The following CSAD variants were observed in gnomAD, a reference collection of about 807,000 sequenced individuals.
CSAD encodes the protein P-selectin cytoplasmic tail-associated protein.
CSAD carries 47 observed loss-of-function variants against 61.5 expected under a neutral mutation model. That is an observed-to-expected ratio of 0.76 (90% CI 0.60 to 0.97). The LOEUF is 0.97. Among genes scored for constraint, CSAD ranks in the 50% least tolerant of loss-of-function variants. The probability of loss-of-function intolerance (pLI) is 0.00; values close to 1 mark genes in which losing one functional copy is unlikely to be tolerated. For missense variants in CSAD, 611 were observed against 643.6 expected (o/e 0.95, Z 0.55); for synonymous variants, 245 against 252.7 (o/e 0.97, Z 0.29).
intron 1 of CSAD, chr12:53,180,456 G>C (rs1407587973): frequency 8.4e-7 from 1 of 1,190,972 alleles, no homozygotes; most frequent in African/African-American, 1.7e-5. Context: ...GAAGGGCCGA[G>C]GGTCCTGCCC....
At chr12:53,180,120 G>A (rs904045107) in intron 1 of CSAD, 1 of 1,309,550 alleles carries the variant, frequency 7.6e-7, no homozygotes, top group Non-Finnish European at 9.7e-7. Flanking sequence ...GTGTGGCCAA[G>A]GGCTACTCAA....
chr12:53,172,662 CG>C lies in CSAD; in HGVS notation c.127-15del. The C allele has an allele frequency of 6.3e-7, 1 of 1,599,160 alleles. No homozygotes were observed. On this transcript the variant is annotated splice_polypyrimidine_tract_variant and intron_variant, in intron 4 of 16. Coordinates refer to ENST00000444623, the MANE Select transcript of CSAD (RefSeq NM_001244705.2). ...CCACTCACAGACCTAGGAAGAGAGC[CG>C]GGGATGCTGGGGGCCTGGGATGCCT...
chr12:53,176,071 C>A (rs1040002366), intron 2 of CSAD, among the ~76,000 whole-genome samples: 3 of 151,254 alleles, frequency 2.0e-5, no homozygotes, highest in African/African-American at 7.3e-5. Flanking sequence ...AAGATAAAGA[C>A]AGAAACTGAA....
chr12:53,165,340 CAAA>C (rs796689073), intron 10 of CSAD, among the ~76,000 whole-genome samples: 1 of 143,280 alleles, frequency 7.0e-6, no homozygotes, highest in African/African-American at 2.6e-5. Flanking sequence ...GACCCTCTCT[CAAA>C]AAAAAAACAA....
chr12:53,161,147 A>T lies in CSAD; in HGVS notation c.864T>A (p.His288Gln). The change falls in exon 12 of 17, where the codon CAT becomes CAA. Residue 288 changes from histidine (H) to glutamine (Q), a missense_variant. His to Gln is a conservative substitution (Grantham distance 24). Coordinates refer to ENST00000444623, the MANE Select transcript of CSAD (RefSeq NM_001244705.2). ...TGCACCTCTGGATCCCATCCAGGAG[A>T]TGCCTGTGTGTCTGTGACAGCAGGA... ...GSVLLSQTHR[H>Q]LLDGIQRADS... 6.2e-7 allele frequency: 1 copy of T among 1,614,098 alleles called. No homozygotes were observed. The highest frequency in any genetic ancestry group is 8.5e-7 in the Non-Finnish European group (1 of 1,179,994).
chr12:53,161,073 C>T, intron 12 of CSAD, 54 bp downstream of exon 12: 1 of 1,559,674 alleles, frequency 6.4e-7, no homozygotes, highest in African/African-American at 1.4e-5. Context: ...CATGATGATT[C>T]TCTGGACCAA....
chr12:53,162,106 C>G lies in CSAD; in HGVS notation c.703-717G>C, dbSNP rs376130730. ...AAAACCCCGTCTCTATTAAAAAATA[C>G]AGAAATTATCTGGGTGTGGTGGTGC... On this transcript the variant is annotated intron_variant, in intron 10 of 16. Coordinates refer to ENST00000444623, the MANE Select transcript of CSAD (RefSeq NM_001244705.2). 1.0e-4 allele frequency among the ~76,000 whole-genome samples: 15 copies of G among 150,608 alleles called. No individual in the cohort carries two copies. In the South Asian group the frequency reaches 2.1e-3, roughly 21 times the overall value.
chr12:53,165,274 G>A (rs1195799260), intron 10 of CSAD, among the ~76,000 whole-genome samples: 1 of 152,056 alleles, frequency 6.6e-6, no homozygotes, highest in Non-Finnish European at 1.5e-5. Flanking sequence ...CCAGGAGGTC[G>A]AGGCTGCAGT....
In CSAD at chr12:53,172,420, G is replaced by C; in HGVS notation, c.270C>G (p.Phe90Leu). ...YSVKTGHPRFFNQLFSGLDPH... is the reference protein window; with the variant it reads ...YSVKTGHPRFLNQLFSGLDPH... ...GATCCAACCCAGAGAAGAGCTGGTT[G>C]AAGAACCGAGGGTGACCTGGAGAAG... Residue 90 changes from phenylalanine (F) to leucine (L), a missense_variant, in exon 6 of 17, where the codon TTC (phenylalanine) becomes TTG (leucine). Coordinates refer to ENST00000444623, the MANE Select transcript of CSAD (RefSeq NM_001244705.2). 6.2e-7 allele frequency: 1 copy of C among 1,614,184 alleles called. No individual in the cohort carries two copies.
intron 16 of CSAD, 77 bp from the exon 17 acceptor site, chr12:53,158,761 C>T: frequency 1.4e-6 from 2 of 1,423,672 alleles, no homozygotes; most frequent in South Asian, 1.3e-5. Context: ...TCCTGCCAGG[C>T]TTCCAGAGGT....
Position 53,180,848 on chromosome 12 carries a change from G to C in CSAD, c.-207C>G. 7.9e-7 allele frequency: 1 copy of C among 1,267,396 alleles called. No individual in the cohort carries two copies. The highest frequency in any genetic ancestry group is 1.0e-6 in the Non-Finnish European group (1 of 980,478). The allele number at this position is 1,267,396 out of a possible 1,614,324, so 78.5% of individuals were successfully genotyped here. A position where few individuals can be genotyped will look rare whatever the true frequency, so the allele number is the denominator to read the frequency against. On this transcript the variant is annotated 5_prime_UTR_variant, in exon 1 of 17. Transcript: ENST00000444623. ...GGCCGCGCCTGGCAGGTAGGAGCAA[G>C]CCCCAAAGACCGCAGCGTCGTCCGT...
At chr12:53,176,304 G>C (rs1366859587) in intron 2 of CSAD, among the ~76,000 whole-genome samples, 1 of 152,114 alleles carries the variant, frequency 6.6e-6, no homozygotes, top group Non-Finnish European at 1.5e-5. Flanking sequence ...CAGCTACTTG[G>C]GAGGCTGAGG....
At chr12:53,168,916 A>C (rs1940224998) in intron 10 of CSAD, among the ~76,000 whole-genome samples, 1 of 152,208 alleles carries the variant, frequency 6.6e-6, no homozygotes. Flanking sequence ...ATGGTGGCTC[A>C]CGCCTATAAT....
intron 10 of CSAD, among the ~76,000 whole-genome samples, 186 bp from the exon 11 acceptor site, chr12:53,161,575 C>T (rs1318956007): frequency 6.6e-6 from 1 of 151,784 alleles, no homozygotes; most frequent in Non-Finnish European, 1.5e-5. Context: ...CAAGCAGAAG[C>T]TGCAGAGATG....
intron 10 of CSAD, among the ~76,000 whole-genome samples, chr12:53,168,945 C>T (rs536226154): frequency 7.5e-5 from 11 of 147,596 alleles, no homozygotes; most frequent in Admixed American, 4.7e-4. Flanking sequence ...TTTGGGAGGC[C>T]GAAGCAGGTG....
Position 53,158,664 on chromosome 12 carries a change from C to T in CSAD, c.1329G>A (p.Glu443=), listed in dbSNP as rs1451173237. Residue 443 remains glutamate (E), a synonymous_variant, in exon 17 of 17, where the codon GAG becomes GAA. Coordinates refer to ENST00000444623, the MANE Select transcript of CSAD (RefSeq NM_001244705.2). ...TCATGGAGCCCTCCTTCACCATGCGCTCCTTGAGCACGGGGGCCACCTGTG... is the reference window on the plus strand; with the variant it reads ...TCATGGAGCCCTCCTTCACCATGCGTTCCTTGAGCACGGGGGCCACCTGTG... ...RLSKVAPVLK[E]RMVKEGSMMI... 1.9e-6 allele frequency: 3 copies of T among 1,614,026 alleles called. No homozygotes were observed. The African/African-American group carries it at 4.0e-5, about 22-fold the overall frequency.
chr12:53,174,110 C>G (rs1418191280), intron 2 of CSAD, among the ~76,000 whole-genome samples: 1 of 151,982 alleles, frequency 6.6e-6, no homozygotes, highest in Non-Finnish European at 1.5e-5. Flanking sequence ...CGAGACCATC[C>G]TGGCTAACAC....
chr12:53,158,703 A>T lies in CSAD; in HGVS notation c.1309-19T>A. ...GGGCCACCTGTGGAAGGGTGGAGAG[A>T]GATTCCAGCTGCAGCCTGGGTCGGC... On this transcript the variant is annotated intron_variant, in intron 16 of 16. Transcript: ENST00000444623. 1 of 1,609,426 alleles carries T rather than the reference A, an allele frequency of 6.2e-7. No homozygotes were observed. The highest frequency in any genetic ancestry group is 1.1e-5 in the South Asian group (1 of 90,816).
intron 4 of CSAD, 24 bp from the exon 5 acceptor site, chr12:53,172,672 G>A (rs1472228516): frequency 1.9e-6 from 3 of 1,593,372 alleles, no homozygotes; most frequent in Non-Finnish European, 2.6e-6. Context: ...CGGGGATGCT[G>A]GGGGCCTGGG....
Sources: gnomAD v4.1 joint callset for allele counts (sites outside exome capture counted in the v4.1 genomes callset) on GRCh38, gnomAD v4.1.1 for gene constraint, MANE v1.5 for transcripts, NCBI Gene and HGNC (gene_info 2026-07-23, HGNC 2026-07-21) for gene names.